Variants in MED16 observed in about 807,000 individuals in gnomAD.
MED16 encodes the protein mediator complex subunit 16.
In MED16, 81 loss-of-function variants were observed where a neutral mutation model predicts 84.4. The observed-to-expected ratio is 0.96, with a 90% CI of 0.80 to 1.15. The LOEUF (loss-of-function observed/expected upper bound fraction) is 1.15, where lower values mean the gene tolerates loss of function less well. MED16 is among the 50% of genes most tolerant of loss of function. MED16 has a pLI of 0.00. For missense variants in MED16, 1,585 were observed against 1,245.9 expected (o/e 1.27, Z -4.10); for synonymous variants, 897 against 552.2 (o/e 1.62, Z -8.76).
intron 4 of MED16, among the ~76,000 whole-genome samples, chr19:887,750 T>C (rs2036554676): frequency 6.6e-6 from 1 of 151,972 alleles, no homozygotes. Flanking sequence ...TCACGCTCAG[T>C]AAGAGATGCC....
chr19:870,745 G>T (rs1013312739), intron 13 of MED16, among the ~76,000 whole-genome samples: 1 of 149,186 alleles, frequency 6.7e-6, no homozygotes, highest in African/African-American at 2.5e-5. Context: ...ATTCGGGGGG[G>T]TCCTGGGGCA....
intron 6 of MED16, 146 bp downstream of exon 6, chr19:884,757 A>G: frequency 1.5e-6 from 1 of 648,760 alleles, no homozygotes; most frequent in East Asian, 2.7e-5. Flanking sequence ...CCGAGATCCT[A>G]GCACTACTGG....
intron 10 of MED16, 99 bp from the exon 11 acceptor site, chr19:873,681 C>A: frequency 7.1e-7 from 1 of 1,404,024 alleles, no homozygotes; most frequent in Admixed American, 1.8e-5. Flanking sequence ...AGTGCCCACC[C>A]AGTACCAGGA....
intron 8 of MED16, 111 bp from the exon 9 acceptor site, chr19:877,291 C>T (rs2036272132): frequency 7.9e-6 from 8 of 1,007,494 alleles, no homozygotes; most frequent in South Asian, 4.5e-5. Flanking sequence ...TGTGCGCGCA[C>T]GCCCGTGTGT....
chr19:874,173 G>GCACA (rs2036172659), intron 10 of MED16, among the ~76,000 whole-genome samples: 1 of 152,024 alleles, frequency 6.6e-6, no homozygotes, highest in African/African-American at 2.4e-5. Context: ...GAGTGCAGTG[G>GCACA]GGTGATCTCA....
intron 13 of MED16, 26 bp downstream of exon 13, chr19:871,011 G>A (rs2036036936): frequency 2.0e-6 from 3 of 1,522,708 alleles, no homozygotes; most frequent in Non-Finnish European, 1.8e-6. Context: ...TCCTGTGTTT[G>A]GGGACCAATG....
At chr19:877,719 GC>G (rs2036287267) in intron 8 of MED16, among the ~76,000 whole-genome samples, 1 of 115,778 alleles carries the variant, frequency 8.6e-6, no homozygotes. Context: ...ACCAGCCCCT[GC>G]CCCACGTGCC....
chr19:874,018 G>A (rs1467270728), intron 10 of MED16, among the ~76,000 whole-genome samples: 2 of 152,180 alleles, frequency 1.3e-5, no homozygotes, highest in African/African-American at 2.4e-5. Context: ...GGTGACTAGG[G>A]TGGTCCCACA....
At chr19:880,542 T>C (rs1204435758) in intron 7 of MED16, among the ~76,000 whole-genome samples, 4 of 151,660 alleles carry the variant, frequency 2.6e-5, no homozygotes, top group Admixed American at 1.3e-4. Context: ...CACTGGGGTC[T>C]GCCATTGTAC....
In MED16 at chr19:875,499, C is replaced by T. The variant is rs775473937; in HGVS notation, c.1561-45G>A. 1.9e-5 allele frequency: 28 copies of T among 1,492,412 alleles called. 1 individual carries two copies. The highest frequency in any genetic ancestry group is 9.5e-5 in the East Asian group (4 of 42,108). The allele number at this position is 1,492,412 out of a possible 1,614,324, so 92.4% of individuals were successfully genotyped here. ...TCACCCCAAGGGGCCGGAGCAGAGG[C>T]GCCCGCCAAGGCTCCAGCTGAGGAG... On this transcript the variant is annotated intron_variant, in intron 9 of 15. Transcript: ENST00000325464.
In MED16 at chr19:880,061, G is replaced by A; in HGVS notation, c.1229C>T (p.Ala410Val). The A allele has an allele frequency of 6.2e-7, 1 of 1,611,220 alleles. No individual in the cohort carries two copies. The highest frequency in any genetic ancestry group is 1.1e-5 in the South Asian group (1 of 90,864). The change falls in exon 8 of 16, where the codon GCC (alanine) becomes GTC (valine). Residue 410 changes from alanine (A) to valine (V), a missense_variant. Transcript: ENST00000325464. The part of the protein sequence containing the change: ...QTMAVFYSSA[A>V]PRPVDEPAMK... ...GGCCGGCTCATCCACAGGCCTCGGG[G>A]CCGCGGAGCTGTAGAAGACGGCCAT...
At position 889,775 on chromosome 19, in the gene MED16, G is replaced by T. The variant is rs768275060; in HGVS notation, c.310C>A (p.Gln104Lys). 2 of 1,612,890 alleles carry T rather than the reference G, an allele frequency of 1.2e-6. No individual in the cohort carries two copies. Among genetic ancestry groups the T allele is most frequent in the Middle Eastern group, 1.7e-4 (1 of 6,052 alleles). ...TCCGCCATGCTCCAGCACTTGATCT[G>T]CCCGTCGGCATCTGCTGACAGGAGC... ...SRLLSADADG[Q>K]IKCWSMADHL... The change falls in exon 4 of 16, where the codon CAG (glutamine) becomes AAG (lysine). Residue 104 changes from glutamine (Q) to lysine (K), a missense_variant. Coordinates refer to ENST00000325464, the MANE Select transcript of MED16 (RefSeq NM_005481.3).
chr19:888,279 T>C (rs898607345), intron 4 of MED16, among the ~76,000 whole-genome samples: 18 of 151,858 alleles, frequency 1.2e-4, no homozygotes, highest in Non-Finnish European at 2.4e-4. Flanking sequence ...CCCAGCACTT[T>C]GGGAGGCTGA....
At chr19:868,726 C>T in intron 14 of MED16, 137 bp downstream of exon 14, 1 of 1,110,640 alleles carries the variant, frequency 9.0e-7, no homozygotes, top group Non-Finnish European at 1.3e-6. Flanking sequence ...ATCCTGGGAT[C>T]CTGGCTCCAA....
At chr19:885,639 G>C in intron 5 of MED16, 131 bp downstream of exon 5, 2 of 1,105,080 alleles carry the variant, frequency 1.8e-6, no homozygotes, top group Non-Finnish European at 2.5e-6. Context: ...TGGAGCCCCC[G>C]GGAGGGACCG....
intron 9 of MED16, among the ~76,000 whole-genome samples, chr19:876,133 G>A (rs1005474035): frequency 1.3e-5 from 2 of 152,128 alleles, no homozygotes; most frequent in African/African-American, 2.4e-5. Context: ...TGCCGTGAAT[G>A]GGATTTTTTT....
chr19:891,076 C>T lies in MED16; in HGVS notation c.56G>A (p.Cys19Tyr), dbSNP rs753464658. 3 of 1,614,104 alleles carry T rather than the reference C, an allele frequency of 1.9e-6. No individual in the cohort carries two copies. The highest frequency in any genetic ancestry group is 1.6e-4 in the Middle Eastern group (1 of 6,062). The change falls in exon 2 of 16, where the codon TGT (cysteine) becomes TAT (tyrosine). Residue 19 changes from cysteine to tyrosine, a missense_variant. Transcript: ENST00000325464. ...GCTCTTGGACCATTTCTCCCACTCA[C>T]AGACGTAGGCCAAGTCCATCATCCC... ...AGGMMDLAYVCEWEKWSKSTH... is the reference protein window; with the variant it reads ...AGGMMDLAYVYEWEKWSKSTH...
intron 10 of MED16, 102 bp downstream of exon 10, chr19:875,142 C>A (rs1298693805): frequency 5.1e-6 from 4 of 789,230 alleles, no homozygotes; most frequent in South Asian, 5.3e-5. Flanking sequence ...CCAGCCTGGG[C>A]AACAGAGTAA....
At chr19:889,883 G>A (rs972435636) in intron 3 of MED16, 76 bp from the exon 4 acceptor site, 73 of 1,490,416 alleles carry the variant, frequency 4.9e-5, no homozygotes, top group Non-Finnish European at 6.1e-5. Flanking sequence ...CACAGCGCCT[G>A]GGGGAAGCCA....
Sources: gnomAD v4.1 joint callset for allele counts (sites outside exome capture counted in the v4.1 genomes callset) on GRCh38, gnomAD v4.1.1 for gene constraint, MANE v1.5 for transcripts, NCBI Gene and HGNC (gene_info 2026-07-23, HGNC 2026-07-21) for gene names.